FOXN3: variants seen among roughly 807,000 people sequenced by gnomAD.
FOXN3 encodes the protein forkhead box N3, also known as forkhead box protein N3.
A neutral mutation model predicts 38.4 loss-of-function variants in FOXN3; 7 were observed. The ratio of observed to expected loss-of-function variants is 0.18; its 90% CI spans 0.10 to 0.34. The LOEUF is 0.34. Among genes scored for constraint, FOXN3 ranks in the 10% least tolerant of loss-of-function variants. The pLI is 1.00. For synonymous variants in FOXN3, 230 were observed against 242.2 expected, an observed-to-expected ratio of 0.95 and a Z score of 0.47; for missense variants, 456 against 613.4, an observed-to-expected ratio of 0.74 and a Z score of 2.71.
At chr14:89,324,822 C>A (rs1888000414) in intron 3 of FOXN3, among the ~76,000 whole-genome samples, 1 of 152,130 alleles carries the variant, frequency 6.6e-6, no homozygotes, top group African/African-American at 2.4e-5. Flanking sequence ...GGTTTCAAGG[C>A]TGGCCCAGTG....
intron 3 of FOXN3, chr14:89,291,423 C>G: frequency 1.6e-6 from 1 of 609,884 alleles, no homozygotes; most frequent in Non-Finnish European, 3.2e-6. Flanking sequence ...AAAAACTTGG[C>G]CACCATGCTG....
At chr14:89,272,187 C>A (rs534787356) in intron 4 of FOXN3, among the ~76,000 whole-genome samples, 2 of 152,270 alleles carry the variant, frequency 1.3e-5, no homozygotes, top group Non-Finnish European at 2.9e-5. Context: ...TGGCACGCGT[C>A]TCTAATCCCA....
chr14:89,223,933 A>G (rs1490984331), intron 4 of FOXN3, among the ~76,000 whole-genome samples: 1 of 152,248 alleles, frequency 6.6e-6, no homozygotes, highest in Non-Finnish European at 1.5e-5. Flanking sequence ...AATTGTTCTA[A>G]CTATTTGAAA....
At chr14:89,392,478 G>C (rs940662806) in intron 2 of FOXN3, among the ~76,000 whole-genome samples, 1 of 152,142 alleles carries the variant, frequency 6.6e-6, no homozygotes, top group African/African-American at 2.4e-5. Flanking sequence ...GGTGTCAGCA[G>C]GGCTGGTCCC....
intron 1 of FOXN3, among the ~76,000 whole-genome samples, chr14:89,550,505 C>G (rs1241584094): frequency 2.0e-5 from 3 of 152,102 alleles, no homozygotes; most frequent in African/African-American, 7.2e-5. Flanking sequence ...CTGCCGGTGA[C>G]AGAGAGAAAC....
At chr14:89,530,248 G>C (rs1024656127) in intron 1 of FOXN3, among the ~76,000 whole-genome samples, 1 of 152,076 alleles carries the variant, frequency 6.6e-6, no homozygotes, top group Non-Finnish European at 1.5e-5. Flanking sequence ...TTGAGACCAC[G>C]TAATTTATAA....
chr14:89,166,786 GA>G (rs1887254037), intron 5 of FOXN3, among the ~76,000 whole-genome samples: 1 of 152,192 alleles, frequency 6.6e-6, no homozygotes, highest in African/African-American at 2.4e-5. Flanking sequence ...AACTCAGCAG[GA>G]AGTGAAAAGC....
chr14:89,420,636 G>C (rs1891879019), upstream of FOXN3, among the ~76,000 whole-genome samples: 1 of 152,178 alleles, frequency 6.6e-6, no homozygotes, highest in Non-Finnish European at 1.5e-5. Flanking sequence ...GATTGTAGTA[G>C]AAGAGGAACT....
At chr14:89,368,488 C>T (rs915087383) in intron 2 of FOXN3, among the ~76,000 whole-genome samples, 12 of 149,000 alleles carry the variant, frequency 8.1e-5, no homozygotes, top group East Asian at 6.0e-4. Flanking sequence ...AGAAAAAATG[C>T]GAAAAAATTA....
intron 1 of FOXN3, among the ~76,000 whole-genome samples, chr14:89,536,040 T>C (rs903482542): frequency 1.3e-5 from 2 of 152,240 alleles, no homozygotes; most frequent in Non-Finnish European, 2.9e-5. Context: ...TAACGGCACA[T>C]GTGTTTGAGC....
intron 5 of FOXN3, 90 bp downstream of exon 5, chr14:89,180,611 C>T (rs777401851): frequency 2.1e-5 from 19 of 896,738 alleles, no homozygotes; most frequent in African/African-American, 3.4e-5. Flanking sequence ...TTCGAAGCAG[C>T]TCCTCTCTGT....
At chr14:89,567,612 G>A (rs888981726) in intron 1 of FOXN3, among the ~76,000 whole-genome samples, 2 of 152,066 alleles carry the variant, frequency 1.3e-5, no homozygotes, top group Non-Finnish European at 2.9e-5. Flanking sequence ...GGTACCAAGG[G>A]AAGATTATTT....
chr14:89,180,981 C>T (rs963307327), intron 4 of FOXN3, among the ~76,000 whole-genome samples, 175 bp from the exon 5 acceptor site: 20 of 150,492 alleles, frequency 1.3e-4, no homozygotes, highest in African/African-American at 4.9e-4. Flanking sequence ...GTCACACAGA[C>T]ATGCACAGAC....
At chr14:89,336,924 C>T (rs1454313788) in intron 3 of FOXN3, among the ~76,000 whole-genome samples, 5 of 152,094 alleles carry the variant, frequency 3.3e-5, no homozygotes, top group Non-Finnish European at 7.4e-5. Flanking sequence ...GAACATGCCA[C>T]ATCTAAGGGG....
chr14:89,529,057 C>G (rs1429206530), intron 1 of FOXN3, among the ~76,000 whole-genome samples: 6 of 152,250 alleles, frequency 3.9e-5, no homozygotes, highest in South Asian at 2.1e-4. Flanking sequence ...TTAAGACATG[C>G]TTCCTAAAGT....
chr14:89,443,712 G>A (rs151081400), intron 1 of FOXN3, among the ~76,000 whole-genome samples: 8 of 152,158 alleles, frequency 5.3e-5, no homozygotes, highest in African/African-American at 1.9e-4. Context: ...AAAGATGGTT[G>A]CAAAGGTAAA....
chr14:89,612,495 C>G (rs1402056023), intron 1 of FOXN3, among the ~76,000 whole-genome samples: 2 of 152,074 alleles, frequency 1.3e-5, no homozygotes, highest in Non-Finnish European at 2.9e-5. Context: ...TTTCAGAGTG[C>G]AACAAGAGCT....
intron 1 of FOXN3, chr14:89,577,226 C>T (rs1173730201): frequency 6.6e-6 from 1 of 152,202 alleles, no homozygotes; most frequent in Non-Finnish European, 1.5e-5. Flanking sequence ...ATTGTGTTTT[C>T]TTTTTCACAC....
chr14:89,508,776 G>C (rs989743531), intron 1 of FOXN3, among the ~76,000 whole-genome samples: 1 of 152,166 alleles, frequency 6.6e-6, no homozygotes, highest in Non-Finnish European at 1.5e-5. Flanking sequence ...TGGTAGGGCT[G>C]AGATTCTGCA....
Sources: gnomAD v4.1 joint callset for allele counts (sites outside exome capture counted in the v4.1 genomes callset) on GRCh38, gnomAD v4.1.1 for gene constraint, MANE v1.5 for transcripts, NCBI Gene and HGNC (gene_info 2026-07-23, HGNC 2026-07-21) for gene names.